The following DKK3 variants were observed in gnomAD, a reference collection of about 807,000 sequenced individuals.
DKK3 encodes dickkopf-related protein 3.
A neutral mutation model predicts 33.2 loss-of-function variants in DKK3; 22 were observed. The observed-to-expected ratio is 0.66, with a 90% CI of 0.47 to 0.95. DKK3 has a LOEUF of 0.95. DKK3 is among the 40% of genes least tolerant of loss of function. The pLI is 0.00. For synonymous variants in DKK3, 194 were observed against 188.8 expected (o/e 1.03, Z -0.23); for missense variants, 398 against 458.4 (o/e 0.87, Z 1.20).
intron 3 of DKK3, among the ~76,000 whole-genome samples, chr11:11,982,159 C>T (rs1380360680): frequency 6.6e-6 from 1 of 152,108 alleles, no homozygotes. Context: ...GTGCTGTGGG[C>T]GCTCCAGGGT....
At chr11:11,977,838 C>T (rs1847867304) in intron 3 of DKK3, among the ~76,000 whole-genome samples, 1 of 152,204 alleles carries the variant, frequency 6.6e-6, no homozygotes, top group Non-Finnish European at 1.5e-5. Flanking sequence ...ATTCCACTTG[C>T]ATGGGACCTC....
intron 3 of DKK3, chr11:11,979,648 C>A (rs1044231325): frequency 6.6e-6 from 1 of 152,402 alleles, no homozygotes; most frequent in African/African-American, 2.4e-5. Flanking sequence ...CAGAGAAGGG[C>A]CTTTGCTACC....
Position 11,968,384 on chromosome 11 carries a change from G to T in DKK3, c.528+11C>A, listed in dbSNP as rs938748833. On this transcript the variant is annotated intron_variant, in intron 4 of 6. Coordinates refer to ENST00000683431, the MANE Select transcript of DKK3 (RefSeq NM_001018057.2). Reference sequence around the variant, plus strand: ...CTGGTGCCACAGCCCCAGAGGCCCTGGCATACTCACCATCCTCTGGCCCCG... The same window carrying T: ...CTGGTGCCACAGCCCCAGAGGCCCTTGCATACTCACCATCCTCTGGCCCCG... The T allele has an allele frequency of 3.1e-6, 5 of 1,610,076 alleles. No individual in the cohort carries two copies. Among genetic ancestry groups the T allele is most frequent in the African/African-American group, 1.3e-5 (1 of 74,958 alleles).
intron 3 of DKK3, among the ~76,000 whole-genome samples, chr11:11,980,565 A>G (rs1449419191): frequency 6.6e-6 from 1 of 152,178 alleles, no homozygotes; most frequent in African/African-American, 2.4e-5. Flanking sequence ...TGCTTTTAGA[A>G]TGCCCTTACC....
At chr11:12,001,799 C>A (rs1364582704) in intron 2 of DKK3, 3 of 152,248 alleles carry the variant, frequency 2.0e-5, no homozygotes, top group Admixed American at 2.0e-4. Flanking sequence ...AACGCACAAC[C>A]AGCAAATGAA....
chr11:11,967,674 C>T (rs1847631662), intron 4 of DKK3, among the ~76,000 whole-genome samples: 1 of 152,220 alleles, frequency 6.6e-6, no homozygotes. Context: ...ACTTTCCAAG[C>T]TTATTAGCAT....
chr11:11,965,082 C>T (rs1249828129), intron 6 of DKK3, among the ~76,000 whole-genome samples: 1 of 152,176 alleles, frequency 6.6e-6, no homozygotes, highest in African/African-American at 2.4e-5. Flanking sequence ...AGCCATGGAC[C>T]TCTGTGGGAA....
chr11:11,982,400 T>C (rs960322432), intron 3 of DKK3, among the ~76,000 whole-genome samples: 3 of 152,130 alleles, frequency 2.0e-5, no homozygotes, highest in Non-Finnish European at 4.4e-5. Flanking sequence ...TGAAGGGTGG[T>C]ACCTGCTCTA....
rs1847503019 is a variant in DKK3, at chr11:11,963,373, G to A, written c.*1091C>T. 1 of 152,302 alleles carries A rather than the reference G, an allele frequency of 6.6e-6. No homozygotes were observed. The highest frequency in any genetic ancestry group is 1.5e-5 in the Non-Finnish European group (1 of 68,052). The allele number at this position is 152,302 out of a possible 1,614,324, so 9.4% of individuals were successfully genotyped here. On this transcript the variant is annotated 3_prime_UTR_variant, in exon 7 of 7. Coordinates refer to ENST00000683431, the MANE Select transcript of DKK3 (RefSeq NM_001018057.2). ...TCCACGTGGTTGATAATTGTCTTCA[G>A]TTGCTGCTAAGTGATTTTGCAAATT...
chr11:12,009,577 G>T, upstream of DKK3: 1 of 985,542 alleles, frequency 1.0e-6, no homozygotes, highest in Non-Finnish European at 1.2e-6. Context: ...GTCTTCTCTG[G>T]CCTCCAGGCT....
intron 1 of DKK3, among the ~76,000 whole-genome samples, chr11:12,006,108 C>T (rs760510383): frequency 6.6e-5 from 10 of 152,182 alleles, no homozygotes; most frequent in Admixed American, 6.5e-5. Context: ...TTTTACTTAA[C>T]CCCATTTTAG....
chr11:11,977,982 G>A (rs1847870697), intron 3 of DKK3, among the ~76,000 whole-genome samples: 1 of 152,194 alleles, frequency 6.6e-6, no homozygotes, highest in Non-Finnish European at 1.5e-5. Context: ...AGGATGCCCA[G>A]CCATAGTTGA....
intron 3 of DKK3, among the ~76,000 whole-genome samples, chr11:11,990,694 C>G (rs546144296): frequency 1.3e-5 from 2 of 152,320 alleles, no homozygotes; most frequent in East Asian, 1.9e-4. Flanking sequence ...GCTGCTCCCC[C>G]ACGCACATCT....
chr11:11,991,962 A>G (rs16910301), intron 3 of DKK3, among the ~76,000 whole-genome samples: 8,600 of 152,222 alleles, frequency 0.056, 469 homozygotes, highest in African/African-American at 0.15. Flanking sequence ...TTATGCATCC[A>G]TATTGTAATG....
chr11:11,967,306 C>A (rs1297789016), intron 4 of DKK3, among the ~76,000 whole-genome samples: 1 of 152,182 alleles, frequency 6.6e-6, no homozygotes, highest in Admixed American at 6.5e-5. Context: ...GGAAAAATGG[C>A]ACCGGGAGGA....
At chr11:11,993,824 G>C (rs780659640) in intron 3 of DKK3, among the ~76,000 whole-genome samples, 7 of 152,170 alleles carry the variant, frequency 4.6e-5, no homozygotes, top group Non-Finnish European at 1.0e-4. Flanking sequence ...AGGACAATAA[G>C]TCTGTTTCTT....
At chr11:11,986,574 A>G (rs1190377137) in intron 3 of DKK3, among the ~76,000 whole-genome samples, 2 of 152,138 alleles carry the variant, frequency 1.3e-5, no homozygotes, top group Non-Finnish European at 2.9e-5. Flanking sequence ...GGAGGGGCTC[A>G]ATGACTCTTG....
intron 3 of DKK3, among the ~76,000 whole-genome samples, chr11:11,970,791 A>G (rs1436626760): frequency 6.6e-6 from 1 of 152,262 alleles, no homozygotes; most frequent in Non-Finnish European, 1.5e-5. Context: ...GCCAAGGAGC[A>G]GAATCTCTCT....
Position 11,964,519 on chromosome 11 carries a change from G to C in DKK3, c.998C>G (p.Ala333Gly), listed in dbSNP as rs774441818. ...DLERSLTEEM[A>G]LREPAAAAAA... ...GGCGGCAGCCGCAGGCTCCCTCAGC[G>C]CCATCTCTTCAGTCAGGCTCCTCTC... Residue 333 changes from alanine to glycine, a missense_variant, in exon 7 of 7, where the codon GCG (alanine) becomes GGG (glycine). By Grantham distance (60) the Ala-to-Gly change is moderately conservative (BLOSUM62 0). Transcript: ENST00000683431. 1 of 1,613,772 alleles carries C rather than the reference G, an allele frequency of 6.2e-7. No homozygotes were observed. Among genetic ancestry groups the C allele is most frequent in the South Asian group, 1.1e-5 (1 of 91,086 alleles).
Sources: gnomAD v4.1 joint callset for allele counts (sites outside exome capture counted in the v4.1 genomes callset) on GRCh38, gnomAD v4.1.1 for gene constraint, MANE v1.5 for transcripts, NCBI Gene and HGNC (gene_info 2026-07-23, HGNC 2026-07-21) for gene names.